Variants in PSG9 observed in about 807,000 individuals in gnomAD.
PSG9 encodes the protein pregnancy-specific beta-1-glycoprotein 9.
A neutral mutation model predicts 41.9 loss-of-function variants in PSG9; 49 were observed. The observed-to-expected ratio is 1.17, with a 90% CI of 0.93 to 1.48. The LOEUF (loss-of-function observed/expected upper bound fraction) is 1.48, where lower values mean the gene tolerates loss of function less well. Among genes scored for constraint, PSG9 ranks in the 40% most tolerant of loss-of-function variants. The pLI is 0.00. For synonymous variants in PSG9, 263 were observed against 196.8 expected, an observed-to-expected ratio of 1.34 and a Z score of -2.82; for missense variants, 641 against 520.3, an observed-to-expected ratio of 1.23 and a Z score of -2.26.
intron 3 of PSG9, chr19:43,260,875 T>C (rs987293822): frequency 1.3e-5 from 2 of 152,150 alleles, no homozygotes; most frequent in East Asian, 3.9e-4. Flanking sequence ...CTTTAATTTC[T>C]TTCAGCAATG....
chr19:43,255,994 A>G (rs2122499257), intron 5 of PSG9, among the ~76,000 whole-genome samples: 1 of 146,752 alleles, frequency 6.8e-6, no homozygotes, highest in East Asian at 2.4e-4. Context: ...CAGAAAAAGA[A>G]AAATCTGTCC....
At chr19:43,263,148 G>C (rs1445939120) in intron 2 of PSG9, among the ~76,000 whole-genome samples, 1 of 152,106 alleles carries the variant, frequency 6.6e-6, no homozygotes, top group Non-Finnish European at 1.5e-5. Context: ...GTGGATTCCA[G>C]AGTGAATCAG....
chr19:43,263,296 A>C (rs1250735622), intron 2 of PSG9, among the ~76,000 whole-genome samples: 6 of 152,130 alleles, frequency 3.9e-5, no homozygotes, highest in African/African-American at 1.4e-4. Context: ...CATACAGATA[A>C]AGTGCTCCTT....
In PSG9 at chr19:43,259,131, C is replaced by T. The variant is rs11554964; in HGVS notation, c.714G>A (p.Lys238=). 2.4e-3 allele frequency: 3,879 copies of T among 1,590,266 alleles called. 630 individuals are homozygous for T. The African/African-American group carries it at 0.049, about 20-fold the overall frequency. The change falls in exon 4 of 6, where the codon AAG becomes AAA. Residue 238 remains lysine, a synonymous_variant. Coordinates refer to ENST00000270077, the MANE Select transcript of PSG9 (RefSeq NM_002784.5). ...SDPVTLNLLP[K]LPIPYITINN... ...TGATGGTGATGTAGGGGATGGGCAG[C>T]TTCGCTGTGTGGATAACAGAGAGAA...
At chr19:43,266,736 C>G (rs190246982) in intron 2 of PSG9, among the ~76,000 whole-genome samples, 295 of 152,142 alleles carry the variant, frequency 1.9e-3, no homozygotes, top group African/African-American at 6.4e-3. Flanking sequence ...ACTATGGGGT[C>G]CTTGGAACCC....
intron 2 of PSG9, among the ~76,000 whole-genome samples, chr19:43,265,711 T>TTG (rs1968934784): frequency 6.6e-6 from 1 of 151,930 alleles, no homozygotes; most frequent in Admixed American, 6.5e-5. Flanking sequence ...ATAATTTTTT[T>TTG]TGTGTGTGTG....
chr19:43,260,803 T>C (rs1185361831), intron 3 of PSG9: 7 of 152,144 alleles, frequency 4.6e-5, no homozygotes, highest in Non-Finnish European at 1.0e-4. Flanking sequence ...GTATTGTCTT[T>C]CTAACAATAT....
chr19:43,268,227 A>G lies in PSG9; in HGVS notation c.65-78T>C, dbSNP rs374509956. On this transcript the variant is annotated intron_variant, in intron 1 of 5. Transcript: ENST00000270077. ...AAAGATGGGGCCCTGGGTCCTGAGA[A>G]GGTCTCTTCCATCCTCAGCCTTGAA... The G allele has an allele frequency of 9.0e-5, 133 of 1,479,508 alleles. 1 individual carries two copies. Among genetic ancestry groups the G allele is most frequent in the Non-Finnish European group, 1.2e-4 (128 of 1,097,972 alleles). 91.6% of individuals were successfully genotyped at this position (1,479,508 alleles called of 1,614,324 possible). A position where few individuals can be genotyped will look rare whatever the true frequency, so the allele number is the denominator to read the frequency against.
chr19:43,259,064 T>TGAA lies in PSG9; in HGVS notation c.778_780dup (p.Phe260dup). 6.3e-7 allele frequency: 1 copy of TGAA among 1,590,680 alleles called. No homozygotes were observed. Among genetic ancestry groups the TGAA allele is most frequent in the Non-Finnish European group, 8.5e-7 (1 of 1,174,430 alleles). ...TAGTTCTCACTCTTAGGTTCACAGG[T>TGAA]GAAGGCTAAGACATCCTTATTCTCC... On this transcript the variant is annotated inframe_insertion, in exon 4 of 6. Transcript: ENST00000270077.
intron 2 of PSG9, among the ~76,000 whole-genome samples, chr19:43,264,650 G>T (rs772138039): frequency 1.3e-5 from 2 of 152,032 alleles, no homozygotes; most frequent in Non-Finnish European, 2.9e-5. Flanking sequence ...ATAGAGACAG[G>T]GTTTCACCCT....
Position 43,261,461 on chromosome 19 carries a change from G to C in PSG9, c.709+399C>G, listed in dbSNP as rs10410166. Among the ~76,000 whole-genome samples the C allele has an allele frequency of 7.8e-3, 1,195 of 152,242 alleles. 27 individuals are homozygous for C. The highest frequency in any genetic ancestry group is 0.028 in the African/African-American group (1,146 of 41,526). The stretch of plus-strand genomic sequence containing the variant: ...GAAATGGTGGGTGCATCCAGGCCAT[G>C]TGGAGCAAAGAGAATAATGTCACAA... On this transcript the variant is annotated intron_variant, in intron 3 of 5. Coordinates refer to ENST00000270077, the MANE Select transcript of PSG9 (RefSeq NM_002784.5).
chr19:43,261,826 C>A, intron 3 of PSG9, 34 bp downstream of exon 3: 1 of 1,614,014 alleles, frequency 6.2e-7, no homozygotes, highest in Non-Finnish European at 8.5e-7. Context: ...TTTGGGATGG[C>A]AGCCTGGCTC....
In PSG9 at chr19:43,258,276, C is replaced by T. The variant is rs748082459; in HGVS notation, c.1169G>A (p.Gly390Glu). Residue 390 changes from glycine to glutamate, a missense_variant, in exon 5 of 6, where the codon GGG (glycine) becomes GAG (glutamate). Gly to Glu is a moderately conservative substitution (Grantham distance 98, BLOSUM62 -2). Coordinates refer to ENST00000270077, the MANE Select transcript of PSG9 (RefSeq NM_002784.5). ...FIPQITRNHS[G>E]LYACSVHNSA... ...GTTATGAACAGAGCAAGCATAGAGC[C>T]CGCTATGATTTCTAGTAATTTGGGG... The T allele has an allele frequency of 1.2e-5, 19 of 1,592,574 alleles. 3 individuals carry two copies. The highest frequency in any genetic ancestry group is 1.1e-4 in the East Asian group (4 of 37,584).
chr19:43,261,786 A>G (rs56778279), intron 3 of PSG9, 74 bp downstream of exon 3: 374,848 of 1,613,370 alleles, frequency 0.23, 50,166 homozygotes, highest in East Asian at 0.48. Flanking sequence ...CCTGAGAGGG[A>G]CTGAGAGGCC....
chr19:43,264,615 G>A (rs1414653942), intron 2 of PSG9, among the ~76,000 whole-genome samples: 5 of 151,976 alleles, frequency 3.3e-5, no homozygotes, highest in African/African-American at 9.7e-5. Flanking sequence ...CCACCACCAC[G>A]CCCGGCTAAT....
chr19:43,267,920 T>A lies in PSG9; in HGVS notation c.294A>T (p.Arg98Ser). The A allele has an allele frequency of 6.2e-7, 1 of 1,613,816 alleles. No individual in the cohort carries two copies. Among genetic ancestry groups the A allele is most frequent in the Non-Finnish European group, 8.5e-7 (1 of 1,179,766 alleles). The change falls in exon 2 of 6, where the codon AGA becomes AGT. Residue 98 changes from arginine (R) to serine (S), a missense_variant. Physicochemically the swap from Arg to Ser is moderately radical, Grantham distance 110. Coordinates refer to ENST00000270077, the MANE Select transcript of PSG9 (RefSeq NM_002784.5). ...IIIYGPAYSG[R>S]ETVYSNASLL... ...GGGATGCGTTGGAATATACTGTTTC[T>A]CTTCCACTGTATGCAGGCCCATATA... is the stretch of plus-strand genomic sequence containing the variant.
chr19:43,258,374 T>C lies in PSG9; in HGVS notation c.1071A>G (p.Glu357=). 1 of 1,592,944 alleles carries C rather than the reference T, an allele frequency of 6.3e-7. No homozygotes were observed. Among genetic ancestry groups the C allele is most frequent in the Non-Finnish European group, 8.5e-7 (1 of 1,174,518 alleles). ...GENLDLSCFT[E]SNPPAEYFWT... ...AAAAATACTCTGCCGGTGGGTTAGA[T>C]TCCGTGAAGCAGGACAAGTCGAGGT... The change falls in exon 5 of 6, where the codon GAA becomes GAG. Residue 357 remains glutamate, a synonymous_variant. Coordinates refer to ENST00000270077, the MANE Select transcript of PSG9 (RefSeq NM_002784.5).
chr19:43,261,911 G>A lies in PSG9; in HGVS notation c.658C>T (p.Arg220Trp), dbSNP rs374080524. ...CTGCGACTGGCACTCACTGGGTTCCGTATTTCACATTCATAGGGTCCTGCA... is the reference window on the plus strand; with the variant it reads ...CTGCGACTGGCACTCACTGGGTTCCATATTTCACATTCATAGGGTCCTGCA... ...YIAGPYECEI[R>W]NPVSASRSDP... Residue 220 changes from arginine to tryptophan, a missense_variant, in exon 3 of 6, where the codon CGG (arginine) becomes TGG (tryptophan). By Grantham distance (101) the Arg-to-Trp change is moderately radical. Coordinates refer to ENST00000270077, the MANE Select transcript of PSG9 (RefSeq NM_002784.5). The A allele has an allele frequency of 2.5e-5, 41 of 1,613,960 alleles. No individual in the cohort carries two copies. The highest frequency in any genetic ancestry group is 8.3e-5 in the Admixed American group (5 of 60,008).
Position 43,255,515 on chromosome 19 carries a change from T to C in PSG9, c.1244-1869A>G, listed in dbSNP as rs557267257. 7.5e-4 allele frequency among the ~76,000 whole-genome samples: 110 copies of C among 146,074 alleles called. 7 individuals carry two copies. The highest frequency in any genetic ancestry group is 7.2e-3 in the Admixed American group (106 of 14,686). On this transcript the variant is annotated intron_variant, in intron 5 of 5. Transcript: ENST00000270077. ...GTATTGAAAGGTCTAGTCAGAAAAATTAGGCAAGAATTGAAAAAAAGACAT... is the reference window on the plus strand; with the variant it reads ...GTATTGAAAGGTCTAGTCAGAAAAACTAGGCAAGAATTGAAAAAAAGACAT...
Sources: allele counts gnomAD v4.1 joint callset (sites outside exome capture counted in the v4.1 genomes callset), GRCh38; gene constraint gnomAD v4.1.1; transcripts MANE v1.5; gene names NCBI Gene and HGNC (gene_info 2026-07-23, HGNC 2026-07-21).